Variants in BCAS3 observed in about 807,000 individuals in gnomAD.
BCAS3 encodes BCAS3 microtubule associated cell migration factor, also known as BCAS4/BCAS3 fusion.
A neutral mutation model predicts 116.1 loss-of-function variants in BCAS3; 53 were observed. That is an observed-to-expected ratio of 0.46 (90% CI 0.37 to 0.57). BCAS3 has a LOEUF of 0.57. BCAS3 is among the 20% of genes least tolerant of loss of function. The pLI is 0.00. For missense variants in BCAS3, 917 were observed against 1,165.4 expected (o/e 0.79, Z 3.10); for synonymous variants, 391 against 408.2 (o/e 0.96, Z 0.51).
intron 6 of BCAS3, among the ~76,000 whole-genome samples, chr17:60,802,642 G>C (rs956730139): frequency 6.6e-6 from 1 of 151,994 alleles, no homozygotes; most frequent in African/African-American, 2.4e-5. Context: ...ATATCTGCTT[G>C]TCGACTTTGT....
chr17:61,384,185 C>G (rs937182441), intron 23 of BCAS3, among the ~76,000 whole-genome samples: 15 of 152,374 alleles, frequency 9.8e-5, no homozygotes, highest in South Asian at 8.3e-4. Context: ...TGCCATGCCC[C>G]TCGGCACTGA....
At chr17:60,945,304 T>A (rs924099364) in intron 13 of BCAS3, among the ~76,000 whole-genome samples, 3 of 152,142 alleles carry the variant, frequency 2.0e-5, no homozygotes, top group African/African-American at 7.2e-5. Flanking sequence ...AATATTAGGA[T>A]AACAGTTGTC....
rs1398766518 is a variant in BCAS3 at position 61,332,821 on chromosome 17, A to G, written c.2426-35506A>G. Among the ~76,000 whole-genome samples the G allele has an allele frequency of 1.3e-5, 2 of 152,008 alleles. No homozygotes were observed. Among genetic ancestry groups the G allele is most frequent in the African/African-American group, 4.8e-5 (2 of 41,354 alleles). ...AGGAGAGACGGGGTTTCACCATGTT[A>G]GCCAGGCTGGTCTCAAACTCCTGAC... On this transcript the variant is annotated intron_variant, in intron 22 of 23. Transcript: ENST00000407086. This position sits in a 1 kb window ranked among gnomAD's most constrained non-coding sequence, Gnocchi z 5.4.
intron 7 of BCAS3, among the ~76,000 whole-genome samples, chr17:60,840,415 G>A (rs1442426058): frequency 6.6e-6 from 1 of 152,126 alleles, no homozygotes; most frequent in East Asian, 1.9e-4. Flanking sequence ...TTTGCAAAAA[G>A]CTCAAGGCAC....
At chr17:60,758,749 T>C (rs2043228113) in intron 6 of BCAS3, among the ~76,000 whole-genome samples, 2 of 152,204 alleles carry the variant, frequency 1.3e-5, no homozygotes, top group African/African-American at 4.8e-5. Flanking sequence ...TTTTGATGTG[T>C]TTATTGCTAT....
rs1282517984 is a variant in BCAS3, at chr17:61,344,787, G to A, written c.2426-23540G>A. ...TTACCAAAAGGAAGGGAGTGGGAGA[G>A]ATGAGCCATGGGAAGCCAGCAGGGC... On this transcript the variant is annotated intron_variant, in intron 22 of 23. Transcript: ENST00000407086. The surrounding 1 kb of genome is among the most constrained non-coding windows in gnomAD (Gnocchi z 4.1). Among the ~76,000 whole-genome samples the A allele has an allele frequency of 6.6e-6, 1 of 152,156 alleles. No individual in the cohort carries two copies. The highest frequency in any genetic ancestry group is 1.5e-5 in the Non-Finnish European group (1 of 68,028).
intron 2 of BCAS3, among the ~76,000 whole-genome samples, chr17:60,681,772 C>T (rs2033160447): frequency 6.6e-6 from 1 of 151,738 alleles, no homozygotes. Context: ...TCTTTTTGCC[C>T]AGGCTGGAGT....
At chr17:60,763,198 G>A (rs866982507) in intron 6 of BCAS3, among the ~76,000 whole-genome samples, 1 of 152,054 alleles carries the variant, frequency 6.6e-6, no homozygotes, top group African/African-American at 2.4e-5. Flanking sequence ...TCTTTCTCTT[G>A]CCTGATTGCC....
Position 61,392,289 on chromosome 17 carries a change from T to G in BCAS3, c.*164T>G, listed in dbSNP as rs1259439658. 36 of 826,342 alleles carry G rather than the reference T, an allele frequency of 4.4e-5. No homozygotes were observed. The highest frequency in any genetic ancestry group is 6.4e-5 in the Non-Finnish European group (35 of 543,078). 51.2% of individuals were successfully genotyped at this position (826,342 alleles called of 1,614,324 possible). On this transcript the variant is annotated 3_prime_UTR_variant, in exon 24 of 24. Transcript: ENST00000407086. This position sits in a 1 kb window ranked among gnomAD's most constrained non-coding sequence, Gnocchi z 6.4. Reference sequence around the variant, plus strand: ...TCCTACCTGGATGGAGAAGAGACCCTTCTCCAAGCACCTCAGCGCACTTGC... The same window carrying G: ...TCCTACCTGGATGGAGAAGAGACCCGTCTCCAAGCACCTCAGCGCACTTGC...
At chr17:60,963,630 A>T (rs1381770525) in intron 14 of BCAS3, among the ~76,000 whole-genome samples, 2 of 146,604 alleles carry the variant, frequency 1.4e-5, no homozygotes, top group Non-Finnish European at 3.0e-5. Flanking sequence ...ATCTCAGCTC[A>T]CTGCAAGCTC....
At chr17:61,202,059 C>CTTTTTTTTTTTT (rs35961240) in intron 22 of BCAS3, among the ~76,000 whole-genome samples, 10 of 70,324 alleles carry the variant, frequency 1.4e-4, no homozygotes, top group Admixed American at 3.8e-4. Context: ...TGCCCGGCCT[C>CTTTTTTTTTTTT]TTTTTTTTTT....
At chr17:61,138,948 A>G (rs1323673420) in intron 22 of BCAS3, among the ~76,000 whole-genome samples, 1 of 152,204 alleles carries the variant, frequency 6.6e-6, no homozygotes, top group Non-Finnish European at 1.5e-5. Flanking sequence ...TCTTAAAAAG[A>G]AGAAAAATAT....
At chr17:60,746,586 A>G (rs2042031556) in intron 5 of BCAS3, among the ~76,000 whole-genome samples, 1 of 152,142 alleles carries the variant, frequency 6.6e-6, no homozygotes, top group South Asian at 2.1e-4. Context: ...AAAGTTGTAT[A>G]TATATATAGA....
rs1185530206 is a variant in BCAS3, at chr17:61,198,145, CTTT to C, written c.2425+113592_2425+113594del. Reference sequence around the variant, plus strand: ...AGTGCAAGATATGTTTTTTTTTTTTCTTTTTTTTTTTTTGAGACGGAGTCTCAC... The same window carrying C: ...AGTGCAAGATATGTTTTTTTTTTTTCTTTTTTTTTTGAGACGGAGTCTCAC... On this transcript the variant is annotated intron_variant, in intron 22 of 23. Transcript: ENST00000407086. The surrounding 1 kb of genome is among the most constrained non-coding windows in gnomAD (Gnocchi z 5.0). Among the ~76,000 whole-genome samples the C allele has an allele frequency of 2.5e-5, 3 of 118,474 alleles. No homozygotes were observed. Among genetic ancestry groups the C allele is most frequent in the African/African-American group, 6.1e-5 (2 of 32,784 alleles). 77.7% of individuals were successfully genotyped at this position (118,474 alleles called of 152,430 possible).
At chr17:60,687,387 T>C (rs2034210135) in intron 3 of BCAS3, among the ~76,000 whole-genome samples, 1 of 152,158 alleles carries the variant, frequency 6.6e-6, no homozygotes, top group Non-Finnish European at 1.5e-5. Context: ...GCAGATTGCT[T>C]GTGCCCAGGA....
At chr17:60,686,327 C>A (rs968269417) in intron 3 of BCAS3, among the ~76,000 whole-genome samples, 3 of 152,058 alleles carry the variant, frequency 2.0e-5, no homozygotes, top group Admixed American at 6.6e-5. Flanking sequence ...CTGCTCTATT[C>A]TGGGAATCAT....
chr17:61,357,289 A>T (rs1457211843), intron 22 of BCAS3, among the ~76,000 whole-genome samples: 1 of 148,624 alleles, frequency 6.7e-6, no homozygotes, highest in African/African-American at 2.4e-5. Flanking sequence ...AAATAAATAA[A>T]TAAATAAAAT....
At chr17:60,812,158 G>A (rs764196058) in intron 7 of BCAS3, among the ~76,000 whole-genome samples, 4 of 152,204 alleles carry the variant, frequency 2.6e-5, no homozygotes. Flanking sequence ...TAGTAGGTGA[G>A]CATATGGTGA....
Position 61,233,714 on chromosome 17 carries a change from G to A in BCAS3, c.2426-134613G>A, listed in dbSNP as rs1442469138. On this transcript the variant is annotated intron_variant, in intron 22 of 23. Transcript: ENST00000407086. The surrounding 1 kb of genome is among the most constrained non-coding windows in gnomAD (Gnocchi z 4.3). The stretch of plus-strand genomic sequence containing the variant: ...AAAGCATGGATTAGGCTAGCTCTTC[G>A]TCAAACCTCCCTTCTCAATTCACCT... Among the ~76,000 whole-genome samples, 3 of 152,140 alleles carry A rather than the reference G, an allele frequency of 2.0e-5. No individual in the cohort carries two copies. Among genetic ancestry groups the A allele is most frequent in the Admixed American group, 6.5e-5 (1 of 15,268 alleles).
Sources: gnomAD v4.1 joint callset for allele counts (sites outside exome capture counted in the v4.1 genomes callset) on GRCh38, gnomAD v4.1.1 for gene constraint, Gnocchi (gnomAD v3.1) non-coding constraint, MANE v1.5 for transcripts, NCBI Gene and HGNC (gene_info 2026-07-23, HGNC 2026-07-21) for gene names.